The following ST18 variants were observed in gnomAD, a reference collection of about 807,000 sequenced individuals.
The protein encoded by ST18 is suppression of tumorigenicity 18 protein.
ST18 carries 50 observed loss-of-function variants against 110.0 expected under a neutral mutation model. The observed-to-expected ratio is 0.45, with a 90% CI of 0.36 to 0.58. The LOEUF is 0.58. Ranked by LOEUF, ST18 falls within the 20% of genes least tolerant of loss-of-function variation. The pLI, the probability that ST18 is intolerant of heterozygous loss-of-function variation, is 0.00. For synonymous variants in ST18, 461 were observed against 452.4 expected (o/e 1.02, Z -0.24); for missense variants, 1,306 against 1,280.1 (o/e 1.02, Z -0.31).
chr8:52,394,643 G>A (rs1420911821), intron 2 of ST18, among the ~76,000 whole-genome samples: 1 of 152,158 alleles, frequency 6.6e-6, no homozygotes, highest in Non-Finnish European at 1.5e-5. Flanking sequence ...GGTGTGGGAA[G>A]GGAAGTTATA....
At chr8:52,147,331 T>A (rs560890597) in intron 16 of ST18, among the ~76,000 whole-genome samples, 16 of 152,324 alleles carry the variant, frequency 1.1e-4, no homozygotes, top group African/African-American at 3.8e-4. Flanking sequence ...ATATTTCTTA[T>A]GAAATCTCAT....
chr8:52,209,159 A>AT (rs1226940399), intron 8 of ST18, among the ~76,000 whole-genome samples: 1 of 152,250 alleles, frequency 6.6e-6, no homozygotes, highest in Non-Finnish European at 1.5e-5. Flanking sequence ...TGTTTGAAAG[A>AT]TAAACCATAA....
chr8:52,184,086 T>C (rs2070999613), intron 8 of ST18, among the ~76,000 whole-genome samples: 1 of 152,214 alleles, frequency 6.6e-6, no homozygotes, highest in Non-Finnish European at 1.5e-5. Flanking sequence ...AGCCATGCTT[T>C]ACATGTCACT....
intron 2 of ST18, among the ~76,000 whole-genome samples, chr8:52,297,891 G>A (rs1457861098): frequency 6.6e-6 from 1 of 152,252 alleles, no homozygotes; most frequent in Admixed American, 6.5e-5. Flanking sequence ...GTTCACAGAA[G>A]TTGTCTAAAA....
Position 52,114,778 on chromosome 8 carries a change from G to A in ST18, c.3004-1440C>T, listed in dbSNP as rs377511585. Among the ~76,000 whole-genome samples, 77 of 152,242 alleles carry A rather than the reference G, an allele frequency of 5.1e-4. No individual in the cohort carries two copies. The South Asian group carries it at 0.015, about 30-fold the overall frequency. On this transcript the variant is annotated intron_variant, in intron 25 of 25. Transcript: ENST00000689386. ...CTTGATCAAATTAAGTAAGCTCTCC[G>A]AGCCCTGATTTCCTCAACTATGGAA...
In ST18 at chr8:52,136,675, A is replaced by G. The variant is rs1252476179; in HGVS notation, c.2232-17T>C. The G allele has an allele frequency of 4.4e-6, 7 of 1,591,492 alleles. No homozygotes were observed. The Admixed American group carries it at 8.8e-5, about 20-fold the overall frequency. On this transcript the variant is annotated splice_polypyrimidine_tract_variant and intron_variant, in intron 18 of 25. Transcript: ENST00000689386. ...CCAGAAACACTAGAGAGGGATGAGGAAAAAAACACAACACAACACTGACAT... is the reference window on the plus strand; with the variant it reads ...CCAGAAACACTAGAGAGGGATGAGGGAAAAAACACAACACAACACTGACAT...
chr8:52,350,894 G>A (rs1820018235), intron 2 of ST18, among the ~76,000 whole-genome samples: 1 of 151,782 alleles, frequency 6.6e-6, no homozygotes, highest in African/African-American at 2.4e-5. Context: ...CTAATTTTTT[G>A]TATTTTTAGT....
At chr8:52,295,854 T>C (rs996924997) in intron 2 of ST18, among the ~76,000 whole-genome samples, 4 of 152,052 alleles carry the variant, frequency 2.6e-5, no homozygotes, top group Non-Finnish European at 4.4e-5. Flanking sequence ...CTTCTTATTA[T>C]TGTTAAGCCA....
chr8:52,317,299 G>A (rs2139831288), intron 2 of ST18, among the ~76,000 whole-genome samples: 1 of 152,300 alleles, frequency 6.6e-6, no homozygotes, highest in African/African-American at 2.4e-5. Context: ...ACAAGAGACA[G>A]AATAGAATAC....
chr8:52,158,808 G>C, intron 15 of ST18, 90 bp downstream of exon 15: 1 of 1,422,542 alleles, frequency 7.0e-7, no homozygotes, highest in Non-Finnish European at 9.9e-7. Context: ...GGGGAGCAGA[G>C]TGGTAGTGAA....
intron 25 of ST18, among the ~76,000 whole-genome samples, chr8:52,114,853 T>C (rs998779491): frequency 6.6e-6 from 1 of 152,210 alleles, no homozygotes; most frequent in Non-Finnish European, 1.5e-5. Context: ...TTTTGTGTGA[T>C]CAGCACTAAA....
chr8:52,235,481 GA>G (rs2092483316), intron 2 of ST18, among the ~76,000 whole-genome samples: 2 of 152,172 alleles, frequency 1.3e-5, no homozygotes, highest in African/African-American at 4.8e-5. Context: ...GGAACCAGCT[GA>G]CTAATTGTTA....
intron 2 of ST18, among the ~76,000 whole-genome samples, chr8:52,283,303 G>A (rs948566272): frequency 1.3e-5 from 2 of 152,200 alleles, no homozygotes; most frequent in South Asian, 2.1e-4. Context: ...TGGAGATGCT[G>A]AGAAGGTTTG....
intron 8 of ST18, among the ~76,000 whole-genome samples, chr8:52,196,785 T>C (rs780320220): frequency 1.3e-5 from 2 of 152,134 alleles, no homozygotes; most frequent in Admixed American, 6.5e-5. Context: ...CACTGGGGTC[T>C]TGGAATTAAC....
chr8:52,156,972 G>A (rs16917332), intron 15 of ST18, among the ~76,000 whole-genome samples: 7,530 of 152,160 alleles, frequency 0.049, 640 homozygotes, highest in African/African-American at 0.17. Flanking sequence ...TGGCTTCTGC[G>A]GTTAAGACTT....
Position 52,136,668 on chromosome 8 carries a change from G to A in ST18, c.2232-10C>T. ...AGGACATCCAGAAACACTAGAGAGG[G>A]ATGAGGAAAAAAACACAACACAACA... On this transcript the variant is annotated splice_polypyrimidine_tract_variant and intron_variant, in intron 18 of 25. Transcript: ENST00000689386. The A allele has an allele frequency of 6.2e-7, 1 of 1,600,654 alleles. No individual in the cohort carries two copies. Among genetic ancestry groups the A allele is most frequent in the Non-Finnish European group, 8.5e-7 (1 of 1,173,598 alleles).
At chr8:52,161,272 T>C (rs2061383703) in intron 14 of ST18, 103 bp downstream of exon 14, 1 of 1,152,364 alleles carries the variant, frequency 8.7e-7, no homozygotes, top group African/African-American at 1.6e-5. Flanking sequence ...CAGCTGTATG[T>C]AGTATATCAT....
intron 2 of ST18, among the ~76,000 whole-genome samples, chr8:52,386,382 T>C (rs564373233): frequency 2.0e-5 from 3 of 152,172 alleles, no homozygotes; most frequent in South Asian, 4.2e-4. Context: ...TGCAATGGTA[T>C]TATTGTTTTT....
At chr8:52,341,243 A>G (rs572454943) in intron 2 of ST18, among the ~76,000 whole-genome samples, 2 of 152,306 alleles carry the variant, frequency 1.3e-5, no homozygotes, top group Admixed American at 6.5e-5. Context: ...CCCCAAAATC[A>G]AACACGTGGA....
Sources: gnomAD v4.1 joint callset for allele counts (sites outside exome capture counted in the v4.1 genomes callset) on GRCh38, gnomAD v4.1.1 for gene constraint, MANE v1.5 for transcripts, NCBI Gene and HGNC (gene_info 2026-07-23, HGNC 2026-07-21) for gene names.